EXOC2: variants seen among roughly 807,000 people sequenced by gnomAD.
The protein encoded by EXOC2 is SEC5-like 1.
Under a neutral mutation model 131.8 loss-of-function variants are expected in EXOC2, and 70 were observed. The observed-to-expected ratio is 0.53, with a 90% CI of 0.44 to 0.65. The LOEUF (loss-of-function observed/expected upper bound fraction) is 0.65. Among genes scored for constraint, EXOC2 ranks in the 30% least tolerant of loss-of-function variants. EXOC2 has a pLI of 0.00. For missense variants in EXOC2, 923 were observed against 1,108.6 expected, an observed-to-expected ratio of 0.83 and a Z score of 2.38; for synonymous variants, 411 against 398.4, an observed-to-expected ratio of 1.03 and a Z score of -0.38.
chr6:585,439 A>G (rs924101617), intron 11 of EXOC2, among the ~76,000 whole-genome samples: 3 of 152,198 alleles, frequency 2.0e-5, no homozygotes, highest in African/African-American at 7.2e-5. Context: ...GTATATTATT[A>G]CTACAAAAAC....
rs1759602431 is a variant in EXOC2, at chr6:592,591, A to C, written c.1074-4T>G. The C allele has an allele frequency of 6.2e-7, 1 of 1,611,000 alleles. No individual in the cohort carries two copies. The highest frequency in any genetic ancestry group is 1.3e-5 in the African/African-American group (1 of 74,840). ...CGCATGAAGGTCAGACAGGTACCTG[A>C]AAAAGCAAGTCCAAGGTTGAGGCCA... On this transcript the variant is annotated splice_region_variant and splice_polypyrimidine_tract_variant and intron_variant, in intron 10 of 27. Transcript: ENST00000230449.
At chr6:567,812 T>C (rs968667367) in intron 13 of EXOC2, among the ~76,000 whole-genome samples, 1 of 152,208 alleles carries the variant, frequency 6.6e-6, no homozygotes, top group African/African-American at 2.4e-5. Context: ...TTGAATATAC[T>C]TAAGAAAGTG....
chr6:576,221 C>T (rs544365158), intron 12 of EXOC2, among the ~76,000 whole-genome samples: 14 of 152,188 alleles, frequency 9.2e-5, no homozygotes, highest in African/African-American at 3.1e-4. Flanking sequence ...GCCTGATAGT[C>T]GATCATGTTG....
At chr6:688,527 G>GAC (rs1378867286) in intron 1 of EXOC2, among the ~76,000 whole-genome samples, 1 of 152,240 alleles carries the variant, frequency 6.6e-6, no homozygotes, top group African/African-American at 2.4e-5. Context: ...GTGAGACTGA[G>GAC]AAAGTTGAGG....
chr6:603,249 A>G (rs559363445), intron 7 of EXOC2, among the ~76,000 whole-genome samples: 1 of 152,332 alleles, frequency 6.6e-6, no homozygotes, highest in South Asian at 2.1e-4. Flanking sequence ...GAAGTGAAAC[A>G]TTAGGGTGCC....
chr6:686,622 G>A (rs1323636551), intron 1 of EXOC2, among the ~76,000 whole-genome samples: 3 of 152,024 alleles, frequency 2.0e-5, no homozygotes, highest in African/African-American at 4.8e-5. Flanking sequence ...TATATATACC[G>A]GATTACTCAG....
At chr6:508,685 T>A (rs1764693619) in intron 23 of EXOC2, among the ~76,000 whole-genome samples, 2 of 152,242 alleles carry the variant, frequency 1.3e-5, no homozygotes, top group Admixed American at 1.3e-4. Context: ...ACTGAAGGAT[T>A]ACTTGGTTGC....
At chr6:562,433 T>C (rs374499675) in intron 17 of EXOC2, among the ~76,000 whole-genome samples, 58 of 152,376 alleles carry the variant, frequency 3.8e-4, no homozygotes, top group African/African-American at 1.3e-3. Flanking sequence ...TGGTTTGTTT[T>C]GGCTTTGGAG....
At chr6:595,953 T>G (rs533281714) in intron 10 of EXOC2, among the ~76,000 whole-genome samples, 6 of 152,258 alleles carry the variant, frequency 3.9e-5, no homozygotes, top group African/African-American at 1.4e-4. Flanking sequence ...TTCTTTCTTA[T>G]GGAGGCAGCT....
At chr6:530,256 T>C (rs1453545268) in intron 23 of EXOC2, among the ~76,000 whole-genome samples, 3 of 152,128 alleles carry the variant, frequency 2.0e-5, no homozygotes, top group Non-Finnish European at 2.9e-5. Flanking sequence ...TGGCAAACAC[T>C]TAGAAGAGAA....
At chr6:518,069 A>T (rs1169295499) in intron 23 of EXOC2, among the ~76,000 whole-genome samples, 1 of 152,248 alleles carries the variant, frequency 6.6e-6, no homozygotes, top group Non-Finnish European at 1.5e-5. Flanking sequence ...CTGTCTAAAA[A>T]GCTTCTACGA....
At chr6:619,943 CTT>C (rs934765533) in intron 4 of EXOC2, among the ~76,000 whole-genome samples, 7 of 152,136 alleles carry the variant, frequency 4.6e-5, no homozygotes, top group African/African-American at 1.7e-4. Flanking sequence ...TATTAAATCA[CTT>C]TGTTAAAATG....
At chr6:548,154 C>T (rs1441123658) in intron 22 of EXOC2, among the ~76,000 whole-genome samples, 2 of 151,988 alleles carry the variant, frequency 1.3e-5, no homozygotes, top group Non-Finnish European at 2.9e-5. Context: ...GACATTTGGC[C>T]CCAAAGGCTT....
chr6:608,450 A>G (rs1042690136), intron 7 of EXOC2, among the ~76,000 whole-genome samples: 2 of 152,254 alleles, frequency 1.3e-5, no homozygotes, highest in African/African-American at 4.8e-5. Context: ...TTAATAGCAA[A>G]AAGTCCTGAC....
At chr6:532,422 G>A in intron 23 of EXOC2, 47 bp downstream of exon 23, 1 of 1,423,756 alleles carries the variant, frequency 7.0e-7, no homozygotes, top group Non-Finnish European at 9.2e-7. Context: ...AGTATCAATT[G>A]ATAAAAGTAT....
Position 599,208 on chromosome 6 carries a change from C to G in EXOC2, c.760G>C (p.Asp254His). 2 of 1,594,216 alleles carry G rather than the reference C, an allele frequency of 1.3e-6. No homozygotes were observed. Among genetic ancestry groups the G allele is most frequent in the Non-Finnish European group, 1.7e-6 (2 of 1,169,074 alleles). ...CCTAATACTTCTTGAAACAATGTGT[C>G]TGCAGTATTACTTGCTCCTGTTTTA... ...NVLNRASNTA[D>H]TLFQEVLGRK... is the part of the protein sequence containing the mutation. The change falls in exon 8 of 28, where the codon GAC becomes CAC. Residue 254 changes from aspartate (D) to histidine (H), a missense_variant. Asp to His is a moderately conservative substitution (Grantham distance 81). Coordinates refer to ENST00000230449, the MANE Select transcript of EXOC2 (RefSeq NM_018303.6).
intron 23 of EXOC2, among the ~76,000 whole-genome samples, chr6:503,229 CTCAT>C (rs1281139055): frequency 3.3e-4 from 49 of 150,644 alleles, no homozygotes; most frequent in Non-Finnish European, 1.2e-4. Context: ...GCTAAAAGTT[CTCAT>C]TCATTCAACT....
At chr6:585,608 A>T (rs931379309) in intron 11 of EXOC2, among the ~76,000 whole-genome samples, 5 of 152,228 alleles carry the variant, frequency 3.3e-5, no homozygotes, top group African/African-American at 1.2e-4. Context: ...CTTTGCTCAT[A>T]ACATTTTCTC....
chr6:690,963 G>C (rs886113616), intron 1 of EXOC2, among the ~76,000 whole-genome samples: 9 of 152,260 alleles, frequency 5.9e-5, no homozygotes, highest in African/African-American at 2.2e-4. Flanking sequence ...CCTCTCAACA[G>C]TGACCTAAAA....
Sources: gnomAD v4.1 joint callset for allele counts (sites outside exome capture counted in the v4.1 genomes callset) on GRCh38, gnomAD v4.1.1 for gene constraint, MANE v1.5 for transcripts, NCBI Gene and HGNC (gene_info 2026-07-23, HGNC 2026-07-21) for gene names.